Variants in CCSER1 observed in about 807,000 individuals in gnomAD.
CCSER1 encodes the protein coiled-coil serine rich protein 1.
A neutral mutation model predicts 82.0 loss-of-function variants in CCSER1; 41 were observed. The ratio of observed to expected loss-of-function variants is 0.50; its 90% confidence interval spans 0.39 to 0.65. CCSER1 has a LOEUF of 0.65. Ranked by LOEUF, CCSER1 falls within the 30% of genes least tolerant of loss-of-function variation. CCSER1 has a pLI of 0.00. For missense variants in CCSER1, 1,119 were observed against 1,064.2 expected (o/e 1.05, Z -0.72); for synonymous variants, 414 against 383.9 (o/e 1.08, Z -0.92).
intron 10 of CCSER1, among the ~76,000 whole-genome samples, chr4:91,292,320 T>C (rs1196598006): frequency 1.3e-5 from 2 of 152,060 alleles, no homozygotes; most frequent in Non-Finnish European, 2.9e-5. Context: ...TTCTCTTGTT[T>C]GAATAAGCTT....
chr4:90,642,392 C>A (rs1726700492), intron 6 of CCSER1: 1 of 152,254 alleles, frequency 6.6e-6, no homozygotes, highest in South Asian at 2.1e-4. Context: ...GTTTCAGAAT[C>A]TAGTGACTCG....
chr4:90,862,762 A>G (rs1037651711), intron 8 of CCSER1, among the ~76,000 whole-genome samples: 28 of 151,886 alleles, frequency 1.8e-4, no homozygotes, highest in African/African-American at 6.8e-4. Flanking sequence ...TACTCAGCAT[A>G]TTATGCACTC....
intron 8 of CCSER1, among the ~76,000 whole-genome samples, chr4:90,859,969 T>G (rs1442193303): frequency 6.6e-6 from 1 of 151,674 alleles, no homozygotes; most frequent in Non-Finnish European, 1.5e-5. Context: ...GATTTGAATT[T>G]GAACAATAAG....
chr4:90,761,777 G>C (rs1169457552), intron 7 of CCSER1, among the ~76,000 whole-genome samples: 1 of 152,052 alleles, frequency 6.6e-6, no homozygotes, highest in Non-Finnish European at 1.5e-5. Flanking sequence ...AATGGTGAAT[G>C]GACTCTTTTT....
intron 1 of CCSER1, among the ~76,000 whole-genome samples, chr4:90,138,891 A>G (rs1200256135): frequency 1.3e-5 from 2 of 152,180 alleles, no homozygotes; most frequent in Non-Finnish European, 2.9e-5. Flanking sequence ...AAATGTTGAC[A>G]AATCTGAGGT....
intron 9 of CCSER1, among the ~76,000 whole-genome samples, chr4:91,040,306 T>C (rs902870756): frequency 6.6e-5 from 10 of 152,176 alleles, no homozygotes. Flanking sequence ...TGTGAAATAA[T>C]TCATAAAAGA....
intron 8 of CCSER1, among the ~76,000 whole-genome samples, chr4:90,842,310 T>C (rs1762671700): frequency 6.6e-6 from 1 of 152,232 alleles, no homozygotes; most frequent in African/African-American, 2.4e-5. Flanking sequence ...CAGAAAGTGG[T>C]TTTTGTATGC....
At chr4:91,440,506 A>G (rs1245137198) in intron 10 of CCSER1, among the ~76,000 whole-genome samples, 1 of 152,230 alleles carries the variant, frequency 6.6e-6, no homozygotes, top group Non-Finnish European at 1.5e-5. Context: ...AAATGCCCAC[A>G]AGAGAAAGCA....
chr4:91,531,341 T>C (rs1055120362), intron 10 of CCSER1, among the ~76,000 whole-genome samples: 4 of 152,202 alleles, frequency 2.6e-5, no homozygotes, highest in African/African-American at 7.2e-5. Context: ...AAGCATGTTA[T>C]AGGAATATAG....
At chr4:90,473,826 C>T (rs1336300687) in intron 5 of CCSER1, among the ~76,000 whole-genome samples, 1 of 152,154 alleles carries the variant, frequency 6.6e-6, no homozygotes, top group Non-Finnish European at 1.5e-5. Flanking sequence ...CTTTAACAAT[C>T]TTCAGGAGAA....
chr4:91,236,496 AAAG>A (rs1256750246), intron 10 of CCSER1, among the ~76,000 whole-genome samples: 8 of 152,210 alleles, frequency 5.3e-5, no homozygotes, highest in Admixed American at 5.2e-4. Context: ...AACAAAACAA[AAAG>A]AAAAAAAAAT....
chr4:91,324,310 G>A (rs1746399393), intron 10 of CCSER1, among the ~76,000 whole-genome samples: 1 of 151,968 alleles, frequency 6.6e-6, no homozygotes, highest in East Asian at 1.9e-4. Flanking sequence ...CTATTTTATG[G>A]TAATGTACTA....
rs188402633 is a variant in CCSER1, at chr4:91,002,051, T to G, written c.2172+78604T>G. On this transcript the variant is annotated intron_variant, in intron 9 of 10. Coordinates refer to ENST00000509176, the MANE Select transcript of CCSER1 (RefSeq NM_001145065.2). ...GGATCCAAAATTCGTGCCTGATAAT[T>G]GTTCTGTTTAAAGAGGCTGAAGATA... 4.6e-5 allele frequency among the ~76,000 whole-genome samples: 7 copies of G among 152,298 alleles called. No individual in the cohort carries two copies. The East Asian group carries it at 1.2e-3, about 25-fold the overall frequency.
chr4:90,636,929 ATC>A (rs1213125950), intron 6 of CCSER1, among the ~76,000 whole-genome samples: 1 of 152,204 alleles, frequency 6.6e-6, no homozygotes, highest in Non-Finnish European at 1.5e-5. Context: ...AACCTAAGAA[ATC>A]TACAAAAAAG....
chr4:90,339,069 C>A lies in CCSER1; in HGVS notation c.1509+26022C>A, dbSNP rs78730419. ...TCATAAATTGTTTATATATTTATAGCGTTTACAAGATGATTTTTGGGAAAA... is the reference window on the plus strand; with the variant it reads ...TCATAAATTGTTTATATATTTATAGAGTTTACAAGATGATTTTTGGGAAAA... On this transcript the variant is annotated intron_variant, in intron 3 of 10. Coordinates refer to ENST00000509176, the MANE Select transcript of CCSER1 (RefSeq NM_001145065.2). Among the ~76,000 whole-genome samples, 2,429 of 152,174 alleles carry A rather than the reference C, an allele frequency of 0.016. 123 individuals are homozygous for A. In the East Asian group the frequency reaches 0.19, roughly 12 times the overall value.
At chr4:91,295,398 A>T (rs1406359875) in intron 10 of CCSER1, among the ~76,000 whole-genome samples, 1 of 151,876 alleles carries the variant, frequency 6.6e-6, no homozygotes, top group Non-Finnish European at 1.5e-5. Context: ...AAGAGGCAAA[A>T]TTTTTACTAC....
intron 9 of CCSER1, among the ~76,000 whole-genome samples, chr4:90,957,500 ATAT>A (rs1461046824): frequency 8.8e-5 from 11 of 124,740 alleles, no homozygotes; most frequent in Non-Finnish European, 1.2e-4. Flanking sequence ...TTATTATATA[ATAT>A]TATATAATAT....
chr4:91,067,133 C>T (rs1720905011), intron 9 of CCSER1, among the ~76,000 whole-genome samples: 3 of 151,202 alleles, frequency 2.0e-5, no homozygotes, highest in Admixed American at 6.6e-5. Flanking sequence ...CACTGCACTA[C>T]AGCCTGGGCG....
intron 9 of CCSER1, among the ~76,000 whole-genome samples, chr4:91,075,153 C>A (rs1721841097): frequency 6.7e-6 from 1 of 148,976 alleles, no homozygotes; most frequent in East Asian, 2.0e-4. Flanking sequence ...TACTAGAATG[C>A]AAGACAAATT....
Sources: gnomAD v4.1 joint callset for allele counts (sites outside exome capture counted in the v4.1 genomes callset) on GRCh38, gnomAD v4.1.1 for gene constraint, MANE v1.5 for transcripts, NCBI Gene and HGNC (gene_info 2026-07-23, HGNC 2026-07-21) for gene names.